Variants in MYT1L observed in about 807,000 individuals in gnomAD.
MYT1L encodes the protein myelin transcription factor 1-like protein.
In MYT1L, 12 loss-of-function variants were observed where a neutral mutation model predicts 126.7. That is an observed-to-expected ratio of 0.09 (90% CI 0.06 to 0.15). The LOEUF (loss-of-function observed/expected upper bound fraction) is 0.15, where lower values mean the gene tolerates loss of function less well. MYT1L is among the 10% of genes least tolerant of loss of function. The pLI is 1.00. For synonymous variants in MYT1L, 541 were observed against 604.2 expected, an observed-to-expected ratio of 0.90 and a Z score of 1.53; for missense variants, 979 against 1,585.2, an observed-to-expected ratio of 0.62 and a Z score of 6.49.
intron 10 of MYT1L, among the ~76,000 whole-genome samples, chr2:1,919,721 T>C (rs1466081530): frequency 6.6e-6 from 1 of 151,432 alleles, no homozygotes; most frequent in Non-Finnish European, 1.5e-5. Context: ...TTTAATTTAA[T>C]TTAATTTAAT....
At chr2:2,045,128 T>C (rs1012285165) in intron 4 of MYT1L, among the ~76,000 whole-genome samples, 2 of 152,188 alleles carry the variant, frequency 1.3e-5, no homozygotes, top group African/African-American at 4.8e-5. Flanking sequence ...AGAAAGTCTA[T>C]GAGGAATAAA....
Position 1,929,119 on chromosome 2 carries a change from C to G in MYT1L, c.506-5856G>C, listed in dbSNP as rs2054608596. Among the ~76,000 whole-genome samples, 1 of 152,098 alleles carries G rather than the reference C, an allele frequency of 6.6e-6. No individual in the cohort carries two copies. The highest frequency in any genetic ancestry group is 1.5e-5 in the Non-Finnish European group (1 of 68,014). ...TTCATTTCCCTCTCGCTTCAAAGGC[C>G]CCAGGCGCATGCTGAGACACTGCAG... On this transcript the variant is annotated intron_variant, in intron 9 of 24. Transcript: ENST00000647738. The surrounding 1 kb of genome is among the most constrained non-coding windows in gnomAD (Gnocchi z 4.7).
chr2:2,302,373 G>T (rs191519050), intron 1 of MYT1L, among the ~76,000 whole-genome samples: 1 of 152,184 alleles, frequency 6.6e-6, no homozygotes, highest in African/African-American at 2.4e-5. Flanking sequence ...AGAAGTGATC[G>T]TATGATTTTG....
At chr2:1,964,047 T>G (rs1269449671) in intron 8 of MYT1L, among the ~76,000 whole-genome samples, 1 of 152,230 alleles carries the variant, frequency 6.6e-6, no homozygotes, top group South Asian at 2.1e-4. Context: ...AGCTTTTGAT[T>G]TAAAGTGAGA....
rs559782674 is a variant in MYT1L, at chr2:2,055,358, T to G, written c.-303-1235A>C. ...ACATAAAAGATTTTACAAGAGCATGTTATTAATTAAAAAGCAAAACAAAAT... is the reference window on the plus strand; with the variant it reads ...ACATAAAAGATTTTACAAGAGCATGGTATTAATTAAAAAGCAAAACAAAAT... On this transcript the variant is annotated intron_variant, in intron 3 of 24. Transcript: ENST00000647738. 5.4e-4 allele frequency among the ~76,000 whole-genome samples: 82 copies of G among 152,362 alleles called. 4 individuals are homozygous for G. In the South Asian group the frequency reaches 0.015, roughly 28 times the overall value.
At chr2:2,096,724 C>A (rs966713071) in intron 3 of MYT1L, among the ~76,000 whole-genome samples, 1 of 152,082 alleles carries the variant, frequency 6.6e-6, no homozygotes, top group Non-Finnish European at 1.5e-5. Context: ...GTTATCCTAC[C>A]CCCAGCTCAC....
At chr2:2,180,151 A>G (rs2091253474) in intron 2 of MYT1L, among the ~76,000 whole-genome samples, 1 of 152,150 alleles carries the variant, frequency 6.6e-6, no homozygotes, top group African/African-American at 2.4e-5. Flanking sequence ...GGGCCAGAGG[A>G]GAGAGAATCC....
intron 1 of MYT1L, among the ~76,000 whole-genome samples, chr2:2,295,537 T>TAGAGAGAGAGAGAGAGACAGACAGAC (rs2095658577): frequency 9.2e-5 from 3 of 32,526 alleles, no homozygotes; most frequent in Admixed American, 3.8e-4. Context: ...CAGAGAAAGA[T>TAGAGAGAGAGAGAGAGACAGACAGAC]AGAGAGAGAG....
At chr2:2,113,661 C>T (rs2079798102) in intron 3 of MYT1L, among the ~76,000 whole-genome samples, 1 of 152,200 alleles carries the variant, frequency 6.6e-6, no homozygotes, top group South Asian at 2.1e-4. Context: ...GCTGCTGCCT[C>T]GGGTGAGTTC....
At chr2:2,326,566 GC>G (rs954121758) in intron 1 of MYT1L, 16 of 145,024 alleles carry the variant, frequency 1.1e-4, no homozygotes, top group African/African-American at 4.1e-4. Context: ...ATTCCCCCCC[GC>G]CAACTTTTCC....
intron 3 of MYT1L, among the ~76,000 whole-genome samples, chr2:2,071,630 G>A (rs1248224674): frequency 1.3e-5 from 2 of 152,198 alleles, no homozygotes; most frequent in Non-Finnish European, 2.9e-5. Flanking sequence ...AGTAGGAATA[G>A]CCAAAAATAA....
intron 5 of MYT1L, among the ~76,000 whole-genome samples, chr2:1,986,062 A>G (rs924077728): frequency 3.9e-5 from 6 of 152,258 alleles, no homozygotes; most frequent in African/African-American, 1.4e-4. Flanking sequence ...TCTTTCAGGC[A>G]GGTGGACGTC....
At chr2:1,853,457 C>T (rs1416920733) in intron 18 of MYT1L, among the ~76,000 whole-genome samples, 1 of 117,910 alleles carries the variant, frequency 8.5e-6, no homozygotes, top group East Asian at 2.2e-4. Context: ...TAATTATTGT[C>T]TAAAAAATAA....
intron 5 of MYT1L, among the ~76,000 whole-genome samples, chr2:1,983,094 A>C (rs184768938): frequency 4.1e-4 from 62 of 152,290 alleles, no homozygotes; most frequent in Non-Finnish European, 7.9e-4. Context: ...TAAATAAATC[A>C]TATTCCCTCC....
chr2:1,961,061 G>A (rs1316728740), intron 8 of MYT1L, among the ~76,000 whole-genome samples: 1 of 152,102 alleles, frequency 6.6e-6, no homozygotes, highest in Non-Finnish European at 1.5e-5. Context: ...TAGTATCGCG[G>A]AATACATTTT....
chr2:2,288,818 A>G (rs1175292292), intron 1 of MYT1L, among the ~76,000 whole-genome samples: 1 of 152,248 alleles, frequency 6.6e-6, no homozygotes, highest in Non-Finnish European at 1.5e-5. Flanking sequence ...ACACATGTTC[A>G]GCTTGAACAC....
intron 5 of MYT1L, among the ~76,000 whole-genome samples, chr2:1,996,552 C>G (rs1488101525): frequency 1.4e-5 from 2 of 139,592 alleles, no homozygotes; most frequent in Admixed American, 7.2e-5. Context: ...GTGGGCTGCA[C>G]AGAACCGAGT....
intron 2 of MYT1L, among the ~76,000 whole-genome samples, chr2:2,200,870 G>A (rs991223779): frequency 6.6e-5 from 10 of 152,170 alleles, no homozygotes; most frequent in African/African-American, 2.2e-4. Context: ...AAGCAAATGC[G>A]CCTGGGAGTG....
chr2:2,268,427 T>C (rs1028196691), intron 2 of MYT1L, among the ~76,000 whole-genome samples: 9 of 152,278 alleles, frequency 5.9e-5, no homozygotes, highest in African/African-American at 1.9e-4. Context: ...ATGCAAAATA[T>C]TTTATTTTAA....
Sources: allele counts gnomAD v4.1 joint callset (sites outside exome capture counted in the v4.1 genomes callset), GRCh38; gene constraint gnomAD v4.1.1; non-coding constraint Gnocchi (gnomAD v3.1); transcripts MANE v1.5; gene names NCBI Gene and HGNC (gene_info 2026-07-23, HGNC 2026-07-21).